AGAP1: variants seen among roughly 807,000 people sequenced by gnomAD.
AGAP1 encodes the protein ArfGAP with GTPase domain, ankyrin repeat and PH domain 1.
In AGAP1, 29 loss-of-function variants were observed where a neutral mutation model predicts 105.3. That is an observed-to-expected ratio of 0.28 (90% CI 0.21 to 0.38). The LOEUF (loss-of-function observed/expected upper bound fraction) is 0.38. Among genes scored for constraint, AGAP1 ranks in the 10% least tolerant of loss-of-function variants. The probability of loss-of-function intolerance (pLI) is 1.00; values close to 1 mark genes in which losing one functional copy is unlikely to be tolerated. For missense variants in AGAP1, 998 were observed against 1,165.1 expected (o/e 0.86, Z 2.09); for synonymous variants, 509 against 485.9 (o/e 1.05, Z -0.63).
rs1033247552 is a variant in AGAP1 at position 235,904,315 on chromosome 2, A to G, written c.1156-4423A>G. Reference sequence around the variant, plus strand: ...CCGAGCAATTGGCGGGTTCGGAAACAGGTCCCTTTGCTCTGGCGCCTGCTT... The same window carrying G: ...CCGAGCAATTGGCGGGTTCGGAAACGGGTCCCTTTGCTCTGGCGCCTGCTT... On this transcript the variant is annotated intron_variant, in intron 10 of 17. Transcript: ENST00000304032. This position sits in a 1 kb window ranked among gnomAD's most constrained non-coding sequence, Gnocchi z 4.2. 6.6e-6 allele frequency among the ~76,000 whole-genome samples: 1 copy of G among 152,196 alleles called. No homozygotes were observed. Among genetic ancestry groups the G allele is most frequent in the African/African-American group, 2.4e-5 (1 of 41,460 alleles).
At chr2:235,784,766 T>C (rs1164648987) in intron 6 of AGAP1, among the ~76,000 whole-genome samples, 1 of 152,164 alleles carries the variant, frequency 6.6e-6, no homozygotes, top group Non-Finnish European at 1.5e-5. Flanking sequence ...ATGCATCTCC[T>C]AAGTTTGTGG....
intron 1 of AGAP1, among the ~76,000 whole-genome samples, chr2:235,501,928 CT>C (rs1280162282): frequency 2.0e-5 from 3 of 152,148 alleles, no homozygotes; most frequent in Non-Finnish European, 4.4e-5. Flanking sequence ...TGTTAAGTAC[CT>C]TTCTCCGAGA....
At chr2:235,899,131 G>A (rs936598062) in intron 10 of AGAP1, among the ~76,000 whole-genome samples, 2 of 152,164 alleles carry the variant, frequency 1.3e-5, no homozygotes, top group African/African-American at 4.8e-5. Context: ...GAGTTTGTCC[G>A]TGTTACCTTA....
chr2:235,614,016 T>G lies in AGAP1; in HGVS notation c.164-95163T>G, dbSNP rs903399786. ...TCAGAATCTTTGGTATGGTTTTTTT[T>G]TTTTCCCCCTTTTGTGTGTTTTGGC... On this transcript the variant is annotated intron_variant, in intron 1 of 17. Transcript: ENST00000304032. The surrounding 1 kb of genome is among the most constrained non-coding windows in gnomAD (Gnocchi z 4.7). Among the ~76,000 whole-genome samples the G allele has an allele frequency of 3.3e-5, 5 of 152,038 alleles. No individual in the cohort carries two copies. The highest frequency in any genetic ancestry group is 1.2e-4 in the African/African-American group (5 of 41,444).
In AGAP1 at chr2:235,609,986, C is replaced by T. The variant is rs1946073949; in HGVS notation, c.164-99193C>T. Among the ~76,000 whole-genome samples, 1 of 152,110 alleles carries T rather than the reference C, an allele frequency of 6.6e-6. No individual in the cohort carries two copies. Among genetic ancestry groups the T allele is most frequent in the African/African-American group, 2.4e-5 (1 of 41,410 alleles). ...TTCCTTCCTCAGGGACGGTTTGGCA[C>T]TGGGCAACAGCTCCATTTAGCTAGG... On this transcript the variant is annotated intron_variant, in intron 1 of 17. Transcript: ENST00000304032. The surrounding 1 kb of genome is among the most constrained non-coding windows in gnomAD (Gnocchi z 5.1).
In AGAP1 at chr2:235,609,780, A is replaced by G. The variant is rs1479811285; in HGVS notation, c.164-99399A>G. Among the ~76,000 whole-genome samples, 1 of 152,034 alleles carries G rather than the reference A, an allele frequency of 6.6e-6. No homozygotes were observed. The highest frequency in any genetic ancestry group is 1.5e-5 in the Non-Finnish European group (1 of 68,016). On this transcript the variant is annotated intron_variant, in intron 1 of 17. Coordinates refer to ENST00000304032, the MANE Select transcript of AGAP1 (RefSeq NM_001037131.3). The surrounding 1 kb of genome is among the most constrained non-coding windows in gnomAD (Gnocchi z 5.1). ...GTGGCCACTTTCACTCCCAACTCAC[A>G]GGCCAGAAAGTGTAGTGGGAGGCTG...
intron 1 of AGAP1, among the ~76,000 whole-genome samples, chr2:235,679,971 C>T (rs1469781438): frequency 2.0e-5 from 3 of 152,192 alleles, no homozygotes; most frequent in African/African-American, 7.2e-5. Flanking sequence ...GTTGTACTGA[C>T]GCTGACATTT....
In AGAP1 at chr2:235,979,192, A is replaced by T. The variant is rs1347523850; in HGVS notation, c.1645+10569A>T. Among the ~76,000 whole-genome samples the T allele has an allele frequency of 3.3e-5, 5 of 151,270 alleles. No homozygotes were observed. Among genetic ancestry groups the T allele is most frequent in the South Asian group, 2.1e-4 (1 of 4,782 alleles). ...CACTGTGTTGTCCGGGCTAGTCTCAAATCCCTGGTCTCAAGAGATCCTCCC... is the reference window on the plus strand; with the variant it reads ...CACTGTGTTGTCCGGGCTAGTCTCATATCCCTGGTCTCAAGAGATCCTCCC... On this transcript the variant is annotated intron_variant, in intron 13 of 17. Coordinates refer to ENST00000304032, the MANE Select transcript of AGAP1 (RefSeq NM_001037131.3). The surrounding 1 kb of genome is among the most constrained non-coding windows in gnomAD (Gnocchi z 4.5).
chr2:236,006,383 G>A lies in AGAP1; in HGVS notation c.1646-30178G>A, dbSNP rs141932422. On this transcript the variant is annotated intron_variant, in intron 13 of 17. Transcript: ENST00000304032. ...AGAAACCAGTGTCTTGGAGCTAGGC[G>A]TGCTCGTTGCTTCTGGGGTGCCATT... Among the ~76,000 whole-genome samples, 693 of 152,260 alleles carry A rather than the reference G, an allele frequency of 4.6e-3. 7 individuals are homozygous for A. The highest frequency in any genetic ancestry group is 0.016 in the African/African-American group (660 of 41,540).
chr2:235,855,906 T>C lies in AGAP1; in HGVS notation c.1051-27439T>C, dbSNP rs182431001. Among the ~76,000 whole-genome samples, 634 of 152,090 alleles carry C rather than the reference T, an allele frequency of 4.2e-3. 11 individuals carry two copies. The highest frequency in any genetic ancestry group is 0.036 in the Admixed American group (553 of 15,302). On this transcript the variant is annotated intron_variant, in intron 9 of 17. Coordinates refer to ENST00000304032, the MANE Select transcript of AGAP1 (RefSeq NM_001037131.3). The surrounding 1 kb of genome is among the most constrained non-coding windows in gnomAD (Gnocchi z 5.0). Reference sequence around the variant, plus strand: ...TCAGAAGTACTGAGAATATTATTATTATCATTATTATTATTATTTTCTTTT... The same window carrying C: ...TCAGAAGTACTGAGAATATTATTATCATCATTATTATTATTATTTTCTTTT...
chr2:236,118,220 GA>G (rs2059817108), intron 16 of AGAP1, among the ~76,000 whole-genome samples: 1 of 152,198 alleles, frequency 6.6e-6, no homozygotes, highest in African/African-American at 2.4e-5. Flanking sequence ...GACTTTCGCG[GA>G]AGCCCTGAGT....
rs1187454330 is a variant in AGAP1, at chr2:235,578,948, G to T, written c.163+84099G>T. On this transcript the variant is annotated intron_variant, in intron 1 of 17. Transcript: ENST00000304032. This position sits in a 1 kb window ranked among gnomAD's most constrained non-coding sequence, Gnocchi z 4.9. ...ACAGACGGATATAGATATGTAATTTGAATTACTTCTGTTTCTTTCTCTTTG... is the reference window on the plus strand; with the variant it reads ...ACAGACGGATATAGATATGTAATTTTAATTACTTCTGTTTCTTTCTCTTTG... Among the ~76,000 whole-genome samples, 1 of 152,064 alleles carries T rather than the reference G, an allele frequency of 6.6e-6. No homozygotes were observed. Among genetic ancestry groups the T allele is most frequent in the Non-Finnish European group, 1.5e-5 (1 of 68,000 alleles).
At chr2:235,606,909 C>G (rs938160159) in intron 1 of AGAP1, among the ~76,000 whole-genome samples, 1 of 144,592 alleles carries the variant, frequency 6.9e-6, no homozygotes, top group East Asian at 2.1e-4. Flanking sequence ...CCACTGCACT[C>G]CAGCCTGATG....
At chr2:235,765,405 C>G (rs1954861054) in intron 6 of AGAP1, among the ~76,000 whole-genome samples, 1 of 152,064 alleles carries the variant, frequency 6.6e-6, no homozygotes, top group Non-Finnish European at 1.5e-5. Flanking sequence ...CCCCACAGGC[C>G]CGGCCCCTCC....
At position 235,823,966 on chromosome 2, in the gene AGAP1, A is replaced by G. The variant is rs190257343; in HGVS notation, c.1050+16635A>G. Among the ~76,000 whole-genome samples the G allele has an allele frequency of 4.2e-3, 645 of 152,294 alleles. 7 individuals carry two copies. Among genetic ancestry groups the G allele is most frequent in the African/African-American group, 0.015 (613 of 41,566 alleles). On this transcript the variant is annotated intron_variant, in intron 9 of 17. Transcript: ENST00000304032. The stretch of plus-strand genomic sequence containing the variant: ...TGAGGCTCGCCTTGCATGATTTCCT[A>G]GAGCCTGGAAGAGGCAAAGATAAGA...
rs920855620 is a variant in AGAP1 at position 236,040,608 on chromosome 2, C to T, written c.1801-143C>T. The T allele has an allele frequency of 1.2e-5, 4 of 335,590 alleles. No individual in the cohort carries two copies. Among genetic ancestry groups the T allele is most frequent in the Non-Finnish European group, 2.2e-5 (4 of 182,970 alleles). The allele number at this position is 335,590 out of a possible 1,614,324, so 20.8% of individuals were successfully genotyped here. ...CTTCAGTTATGCTCTTTCCCAAAGA[C>T]ATCAAAACAAGAGTGATTGTTTAGA... On this transcript the variant is annotated intron_variant, in intron 14 of 17. Transcript: ENST00000304032. This position sits in a 1 kb window ranked among gnomAD's most constrained non-coding sequence, Gnocchi z 5.6.
At chr2:235,711,956 T>C (rs1575200280) in intron 2 of AGAP1, among the ~76,000 whole-genome samples, 1 of 152,140 alleles carries the variant, frequency 6.6e-6, no homozygotes, top group South Asian at 2.1e-4. Flanking sequence ...TTGAAATCTG[T>C]CAGAGAAAAA....
chr2:236,085,741 C>T (rs1370690520), intron 16 of AGAP1, among the ~76,000 whole-genome samples: 1 of 152,236 alleles, frequency 6.6e-6, no homozygotes, highest in Admixed American at 6.5e-5. Flanking sequence ...ATGTGGTGGC[C>T]CCCAGGGGCA....
At chr2:235,940,087 A>G (rs2053191458) in intron 12 of AGAP1, among the ~76,000 whole-genome samples, 1 of 151,706 alleles carries the variant, frequency 6.6e-6, no homozygotes, top group Non-Finnish European at 1.5e-5. Flanking sequence ...TTCACCATCT[A>G]TCCTCCCAGT....
Sources: allele counts gnomAD v4.1 joint callset (sites outside exome capture counted in the v4.1 genomes callset), GRCh38; gene constraint gnomAD v4.1.1; non-coding constraint Gnocchi (gnomAD v3.1); transcripts MANE v1.5; gene names NCBI Gene and HGNC (gene_info 2026-07-23, HGNC 2026-07-21).